Variants in HEXD observed in about 807,000 individuals in gnomAD.
HEXD encodes N-acetyl-beta-galactosaminidase.
HEXD carries 47 observed loss-of-function variants against 54.2 expected under a neutral mutation model. The observed-to-expected ratio is 0.87, with a 90% CI of 0.69 to 1.11. The LOEUF is 1.11. Among genes scored for constraint, HEXD ranks in the 50% least tolerant of loss-of-function variants. The pLI is 0.00. For synonymous variants in HEXD, 293 were observed against 287.6 expected, an observed-to-expected ratio of 1.02 and a Z score of -0.19; for missense variants, 576 against 649.2, an observed-to-expected ratio of 0.89 and a Z score of 1.23.
chr17:82,432,426 T>C (rs985557399), intron 4 of HEXD, among the ~76,000 whole-genome samples: 1 of 152,156 alleles, frequency 6.6e-6, no homozygotes, highest in African/African-American at 2.4e-5. Flanking sequence ...GGTGGGTTTT[T>C]AACCCAGCCT....
At chr17:82,437,495 C>A in intron 8 of HEXD, 132 bp downstream of exon 8, 1 of 785,780 alleles carries the variant, frequency 1.3e-6, no homozygotes, top group Non-Finnish European at 1.9e-6. Flanking sequence ...CCAAGAGGAG[C>A]TGCAGAAACA....
At chr17:82,424,274 T>G (rs755232350) in intron 2 of HEXD, 120 bp from the exon 3 acceptor site, 1 of 695,492 alleles carries the variant, frequency 1.4e-6, no homozygotes, top group Non-Finnish European at 2.6e-6. Flanking sequence ...CCAGGAGAAA[T>G]AGAAGTAGCA....
At position 82,433,126 on chromosome 17, in the gene HEXD, ATATTTTTTTTTTTTTTT is replaced by A. The variant is rs1410017508; in HGVS notation, c.283-528_283-512del. Among the ~76,000 whole-genome samples the A allele has an allele frequency of 1.6e-3, 22 of 13,536 alleles. 1 individual carries two copies. The highest frequency in any genetic ancestry group is 9.6e-3 in the African/African-American group (17 of 1,778). The allele number at this position is 13,536 out of a possible 152,430, so 8.9% of individuals were successfully genotyped here. ...TATATATATATATATATATATATAT[ATATTTTTTTTTTTTTTT>A]TATATATATATTTTTAGTCTGGGCG... On this transcript the variant is annotated intron_variant, in intron 4 of 12. Transcript: ENST00000327949.
In HEXD at chr17:82,419,838, T is replaced by C; in HGVS notation, c.39T>C (p.His13=). The C allele has an allele frequency of 6.2e-7, 1 of 1,612,444 alleles. No individual in the cohort carries two copies. Among genetic ancestry groups the C allele is most frequent in the East Asian group, 2.2e-5 (1 of 44,844 alleles). Residue 13 remains histidine, a synonymous_variant, in exon 2 of 13, where the codon CAT becomes CAC. Coordinates refer to ENST00000327949, the MANE Select transcript of HEXD (RefSeq NM_001330542.2). ...GSTPFQMRLV[H]LDLKGAPPKV... The stretch of plus-strand genomic sequence containing the variant: ...CTCCATTTCAGATGAGATTAGTTCA[T>C]TTAGACCTTAAAGGAGCTCCACCAA...
rs4789775 is a variant in HEXD, at chr17:82,434,029, G to T, written c.447+207G>T. On this transcript the variant is annotated intron_variant, in intron 5 of 12. Transcript: ENST00000327949. This position sits in a 1 kb window ranked among gnomAD's most constrained non-coding sequence, Gnocchi z 4.5. Reference sequence around the variant, plus strand: ...CGAGGGAGGCACCCTCGTGTCAGACGCGTCCAACATCTTCTCCGGGTGGAT... The same window carrying T: ...CGAGGGAGGCACCCTCGTGTCAGACTCGTCCAACATCTTCTCCGGGTGGAT... Among the ~76,000 whole-genome samples, 34,241 of 151,004 alleles carry T rather than the reference G, an allele frequency of 0.23. 4,462 individuals are homozygous for T. The highest frequency in any genetic ancestry group is 0.66 in the East Asian group (3,344 of 5,050).
At chr17:82,422,178 A>G (rs1025391084) in intron 2 of HEXD, among the ~76,000 whole-genome samples, 32 of 151,374 alleles carry the variant, frequency 2.1e-4, no homozygotes, top group Non-Finnish European at 3.8e-4. Flanking sequence ...AAAAAAAAAA[A>G]AAAGAAAAAA....
At position 82,418,607 on chromosome 17, in the gene HEXD, C is replaced by A. The variant is rs2053135400; in HGVS notation, c.-185C>A. 5.0e-6 allele frequency: 2 copies of A among 399,566 alleles called. No homozygotes were observed. The allele number at this position is 399,566 out of a possible 1,614,324, so 24.8% of individuals were successfully genotyped here. A position where few individuals can be genotyped will look rare whatever the true frequency, so the allele number is the denominator to read the frequency against. ...CGAGTGCGACGCGCTCGGCCATCGG[C>A]CCCTGGGCTGGCGGCCAGGCCCGAG... is the stretch of plus-strand genomic sequence containing the variant. On this transcript the variant is annotated 5_prime_UTR_variant, in exon 1 of 13. Coordinates refer to ENST00000327949, the MANE Select transcript of HEXD (RefSeq NM_001330542.2).
intron 2 of HEXD, chr17:82,423,703 C>T (rs2053305784): frequency 6.6e-6 from 1 of 151,852 alleles, no homozygotes; most frequent in African/African-American, 2.4e-5. Flanking sequence ...ATCCCAGCTA[C>T]TCGGGAGGCT....
chr17:82,435,753 GGA>G lies in HEXD; in HGVS notation c.513_514del (p.Lys172ValfsTer34). 6.2e-7 allele frequency: 1 copy of G among 1,613,014 alleles called. No homozygotes were observed. The highest frequency in any genetic ancestry group is 1.7e-5 in the Admixed American group (1 of 60,028). On this transcript the variant is annotated frameshift_variant, in exon 6 of 13. Transcript: ENST00000327949. LOFTEE classifies it high-confidence loss of function. ...CTACAGCAAGAGCAGAACAGCACGG[GGA>G]AGTTGTGCCTGTCACACATGCGGGC... is the stretch of plus-strand genomic sequence containing the variant.
chr17:82,434,398 G>GC lies in HEXD; in HGVS notation c.447+577dup, dbSNP rs557638754. Among the ~76,000 whole-genome samples the GC allele has an allele frequency of 3.6e-3, 555 of 152,322 alleles. 4 individuals carry two copies. Among genetic ancestry groups the GC allele is most frequent in the Non-Finnish European group, 6.3e-3 (427 of 68,032 alleles). ...TGGGCAGGATGTGGAACTGAAAGGG[G>GC]CGGGGTTGGTGCCCACGGGGCTGGG... On this transcript the variant is annotated intron_variant, in intron 5 of 12. Transcript: ENST00000327949. The surrounding 1 kb of genome is among the most constrained non-coding windows in gnomAD (Gnocchi z 4.5).
intron 1 of HEXD, among the ~76,000 whole-genome samples, chr17:82,419,193 G>T (rs2053157867): frequency 6.6e-6 from 1 of 152,118 alleles, no homozygotes; most frequent in South Asian, 2.1e-4. Flanking sequence ...ATAATACTAC[G>T]GTCAGCTCTG....
chr17:82,429,969 C>T (rs1384673253), intron 4 of HEXD, among the ~76,000 whole-genome samples: 1 of 152,186 alleles, frequency 6.6e-6, no homozygotes, highest in East Asian at 1.9e-4. Context: ...CCTCCAGCCT[C>T]TGGTGTGCAA....
In HEXD at chr17:82,437,374, G is replaced by T; in HGVS notation, c.899+11G>T. The T allele has an allele frequency of 6.3e-7, 1 of 1,577,746 alleles. No individual in the cohort carries two copies. On this transcript the variant is annotated intron_variant, in intron 8 of 12. Coordinates refer to ENST00000327949, the MANE Select transcript of HEXD (RefSeq NM_001330542.2). Reference sequence around the variant, plus strand: ...GACCGGCTGGCAGAGGTAAGTCCTGGCCAGTCTGTCCTCAGAGGGTCCAGG... The same window carrying T: ...GACCGGCTGGCAGAGGTAAGTCCTGTCCAGTCTGTCCTCAGAGGGTCCAGG...
At chr17:82,435,596 G>A (rs538035595) in intron 5 of HEXD, 93 bp from the exon 6 acceptor site, 20 of 1,303,704 alleles carry the variant, frequency 1.5e-5, no homozygotes, top group South Asian at 1.5e-4. Context: ...CACAGGCAGC[G>A]GCCCCTCTCC....
At chr17:82,437,068 C>T (rs2053791106) in intron 7 of HEXD, 100 bp from the exon 8 acceptor site, 16 of 1,056,606 alleles carry the variant, frequency 1.5e-5, no homozygotes, top group South Asian at 1.4e-4. Flanking sequence ...CTGTCTCAGG[C>T]GGCTCCCATG....
rs377467962 is a variant in HEXD at position 82,428,642 on chromosome 17, G to A, written c.279G>A (p.Met93Ile). 2.2e-5 allele frequency: 36 copies of A among 1,612,612 alleles called. No homozygotes were observed. The highest frequency in any genetic ancestry group is 3.0e-5 in the Non-Finnish European group (35 of 1,178,774). Residue 93 changes from methionine (M) to isoleucine (I), a missense_variant, in exon 4 of 13, where the codon ATG becomes ATA. By Grantham distance (10) the Met-to-Ile change is conservative (BLOSUM62 1). Transcript: ENST00000327949. ...CCTTGGTGCAGACATTTGGACACAT[G>A]GAGGTGAGTGGCAGAAATGGAAGTT... ...VIPLVQTFGH[M>I]EFVLKHTAFA...
At chr17:82,425,141 G>A (rs1278070543) in intron 3 of HEXD, among the ~76,000 whole-genome samples, 2 of 151,108 alleles carry the variant, frequency 1.3e-5, no homozygotes, top group African/African-American at 4.9e-5. Flanking sequence ...GAAGGCTGGA[G>A]AAGGCTGGAG....
intron 11 of HEXD, among the ~76,000 whole-genome samples, chr17:82,441,560 T>G (rs2053970905): frequency 8.1e-6 from 1 of 122,704 alleles, no homozygotes; most frequent in African/African-American, 3.2e-5. Flanking sequence ...ATGGGGCAGG[T>G]GTGGGTGGGA....
chr17:82,425,967 A>C (rs1201860642), intron 3 of HEXD: 1 of 152,278 alleles, frequency 6.6e-6, no homozygotes, highest in Non-Finnish European at 1.5e-5. Flanking sequence ...AGCCATGGAT[A>C]GTGGCATGGG....
Sources: allele counts gnomAD v4.1 joint callset (sites outside exome capture counted in the v4.1 genomes callset), GRCh38; gene constraint gnomAD v4.1.1; non-coding constraint Gnocchi (gnomAD v3.1); transcripts MANE v1.5; gene names NCBI Gene and HGNC (gene_info 2026-07-23, HGNC 2026-07-21).